The following CDKL2 variants were observed in gnomAD, a reference collection of about 807,000 sequenced individuals.
CDKL2 encodes the protein cyclin dependent kinase like 2, also known as cyclin-dependent kinase-like 2.
In CDKL2, 64 loss-of-function variants were observed where a neutral mutation model predicts 63.9. The ratio of observed to expected loss-of-function variants is 1.00; its 90% CI spans 0.82 to 1.23. The LOEUF (loss-of-function observed/expected upper bound fraction) is 1.23. Ranked by LOEUF, CDKL2 falls within the 50% of genes most tolerant of loss-of-function variation. The pLI is 0.00. For missense variants in CDKL2, 656 were observed against 668.0 expected (o/e 0.98, Z 0.20); for synonymous variants, 211 against 229.2 (o/e 0.92, Z 0.72).
chr4:75,597,973 A>G, intron 8 of CDKL2, 104 bp downstream of exon 8: 2 of 664,720 alleles, frequency 3.0e-6, no homozygotes. Flanking sequence ...AAAAGTTAAC[A>G]ATTTGCTCAC....
intron 3 of CDKL2, among the ~76,000 whole-genome samples, chr4:75,608,108 C>A (rs1476901760): frequency 1.4e-5 from 2 of 147,026 alleles, no homozygotes; most frequent in African/African-American, 5.0e-5. Flanking sequence ...AGCCACCGCG[C>A]CCGGGCCAAA....
intron 2 of CDKL2, among the ~76,000 whole-genome samples, chr4:75,622,715 CAAAAAAA>C (rs1171964321): frequency 2.9e-4 from 4 of 13,958 alleles, no homozygotes; most frequent in East Asian, 3.3e-3. Context: ...AAGACTCCAT[CAAAAAAA>C]AAAAAAAAAA....
chr4:75,618,829 C>A (rs67662392), intron 2 of CDKL2, among the ~76,000 whole-genome samples: 23,366 of 151,930 alleles, frequency 0.15, 2,461 homozygotes, highest in African/African-American at 0.3. Flanking sequence ...AGCTAGGACC[C>A]AAAAAACTAC....
chr4:75,591,432 A>T (rs1728709941), intron 12 of CDKL2, among the ~76,000 whole-genome samples: 1 of 152,148 alleles, frequency 6.6e-6, no homozygotes, highest in Non-Finnish European at 1.5e-5. Context: ...CCTCATCTCT[A>T]CAAAAAATTT....
At chr4:75,613,578 C>G (rs1729796277) in intron 3 of CDKL2, among the ~76,000 whole-genome samples, 1 of 152,000 alleles carries the variant, frequency 6.6e-6, no homozygotes, top group African/African-American at 2.4e-5. Flanking sequence ...ATATGATACT[C>G]AAAGTATATA....
At position 75,625,890 on chromosome 4, in the gene CDKL2, CT is replaced by C. The variant is rs781706859; in HGVS notation, c.98del (p.Lys33ArgfsTer4). 4 of 1,613,250 alleles carry C rather than the reference CT, an allele frequency of 2.5e-6. No individual in the cohort carries two copies. The highest frequency in any genetic ancestry group is 3.4e-6 in the Non-Finnish European group (4 of 1,179,672). On this transcript the variant is annotated frameshift_variant, in exon 2 of 14. Transcript: ENST00000307465. LOFTEE classifies it high-confidence loss of function. ...TGTCATCGTCACTTTCTAAGAACTTCTTTATGGCCACAATTCTTCCAGTATC... is the reference window on the plus strand; with the variant it reads ...TGTCATCGTCACTTTCTAAGAACTTCTTATGGCCACAATTCTTCCAGTATC... ...NKDTGRIVAIKKFLESDDDKM... is the reference protein window; with the variant it reads ...NKDTGRIVAIXKFLESDDDKM...
chr4:75,625,476 T>C (rs1042132389), intron 2 of CDKL2, among the ~76,000 whole-genome samples: 1 of 152,046 alleles, frequency 6.6e-6, no homozygotes, highest in Non-Finnish European at 1.5e-5. Flanking sequence ...GGGAAAAAAG[T>C]CTGGAAATTA....
chr4:75,612,959 C>T (rs1168797789), intron 3 of CDKL2, among the ~76,000 whole-genome samples: 1 of 152,158 alleles, frequency 6.6e-6, no homozygotes, highest in Admixed American at 6.5e-5. Flanking sequence ...CCCGTCTCTA[C>T]TAAAAATATA....
intron 3 of CDKL2, among the ~76,000 whole-genome samples, chr4:75,608,426 G>C (rs961059827): frequency 4.6e-5 from 7 of 151,926 alleles, no homozygotes; most frequent in Non-Finnish European, 1.0e-4. Context: ...CGCCTGGCCA[G>C]AAAACTGTTT....
intron 10 of CDKL2, 74 bp from the exon 11 acceptor site, chr4:75,592,343 C>T (rs1238865341): frequency 1.6e-6 from 2 of 1,276,882 alleles, no homozygotes; most frequent in African/African-American, 1.5e-5. Flanking sequence ...TCTGTAACTC[C>T]TATGTTCATA....
chr4:75,609,432 C>G (rs913641365), intron 3 of CDKL2, among the ~76,000 whole-genome samples: 1 of 151,562 alleles, frequency 6.6e-6, no homozygotes, highest in Non-Finnish European at 1.5e-5. Context: ...TGGTGAAACC[C>G]CGTCCCTAGT....
At chr4:75,600,659 C>T (rs1408005610) in intron 6 of CDKL2, among the ~76,000 whole-genome samples, 1 of 152,066 alleles carries the variant, frequency 6.6e-6, no homozygotes, top group Non-Finnish European at 1.5e-5. Context: ...AGCGTTTCGC[C>T]ATGTTGCCCA....
At position 75,618,619 on chromosome 4, in the gene CDKL2, AC is replaced by A. The variant is rs368913281; in HGVS notation, c.169-4171del. 2.0e-3 allele frequency among the ~76,000 whole-genome samples: 307 copies of A among 152,304 alleles called. 3 individuals are homozygous for A. Among genetic ancestry groups the A allele is most frequent in the African/African-American group, 7.0e-3 (293 of 41,580 alleles). On this transcript the variant is annotated intron_variant, in intron 2 of 13. Transcript: ENST00000307465. ...CTTCTTAAACATATAAAAGGCTAAA[AC>A]GACAGTGAGGATTACTGGGCTAAAA...
At chr4:75,627,731 C>CTTTTTTTTTTTTTT (rs57328528) in intron 1 of CDKL2, among the ~76,000 whole-genome samples, 43 of 85,990 alleles carry the variant, frequency 5.0e-4, no homozygotes, top group South Asian at 8.0e-4. Context: ...CTTTTTTTTT[C>CTTTTTTTTTTTTTT]TTTTTTTTTT....
Position 75,591,874 on chromosome 4 carries a change from C to T in CDKL2, c.1592G>A (p.Arg531Gln), listed in dbSNP as rs923536641. The change falls in exon 12 of 14, where the codon CGA becomes CAA. Residue 531 changes from arginine (R) to glutamine (Q), a missense_variant. Arg to Gln is a conservative substitution (Grantham distance 43). Transcript: ENST00000307465. The part of the protein sequence containing the change: ...KKESKILSES[R>Q]IPSLAAIDLH... ...GTCAATAGCAGCCAGAGAAGGAATT[C>T]GAGATTCTGAAAGAATTTTGCTCTC... The T allele has an allele frequency of 5.9e-6, 9 of 1,535,814 alleles. No individual in the cohort carries two copies. The highest frequency in any genetic ancestry group is 2.4e-5 in the East Asian group (1 of 40,906).
intron 3 of CDKL2, 68 bp from the exon 4 acceptor site, chr4:75,607,429 A>G: frequency 1.6e-6 from 2 of 1,238,520 alleles, no homozygotes; most frequent in Non-Finnish European, 2.3e-6. Flanking sequence ...TGCTATGTGC[A>G]GGGCATTGTA....
At position 75,598,226 on chromosome 4, in the gene CDKL2, T is replaced by C; in HGVS notation, c.885-14A>G. On this transcript the variant is annotated splice_polypyrimidine_tract_variant and intron_variant, in intron 7 of 13. Transcript: ENST00000307465. ...TCTTGGGAAAACCTACATAAAAATA[T>C]AATAAAATAAAATTGTAAGACATGG... 3 of 1,335,050 alleles carry C rather than the reference T, an allele frequency of 2.2e-6. No homozygotes were observed. Among genetic ancestry groups the C allele is most frequent in the Non-Finnish European group, 2.0e-6 (2 of 980,978 alleles). 82.7% of individuals were successfully genotyped at this position (1,335,050 alleles called of 1,614,324 possible).
At chr4:75,593,501 G>GATTACCTCTTCCAAAGAAGAATAA (rs1406683332) in intron 10 of CDKL2, among the ~76,000 whole-genome samples, 1 of 151,936 alleles carries the variant, frequency 6.6e-6, no homozygotes, top group South Asian at 2.1e-4. Flanking sequence ...CTCCTCTCTT[G>GATTACCTCTTCCAAAGAAGAATAA]ATTACCTCTT....
At chr4:75,598,591 T>TA (rs558158341) in intron 7 of CDKL2, among the ~76,000 whole-genome samples, 1,852 of 145,404 alleles carry the variant, frequency 0.013, 39 homozygotes, top group African/African-American at 0.041. Flanking sequence ...CTTTTTTTTT[T>TA]TAAAAAAAAA....
Sources: gnomAD v4.1 joint callset for allele counts (sites outside exome capture counted in the v4.1 genomes callset) on GRCh38, gnomAD v4.1.1 for gene constraint, MANE v1.5 for transcripts, NCBI Gene and HGNC (gene_info 2026-07-23, HGNC 2026-07-21) for gene names.